The following ASIC2 variants were observed in gnomAD, a reference collection of about 807,000 sequenced individuals.
ASIC2 encodes acid sensing ion channel subunit 2, also known as acid-sensing ion channel 2.
ASIC2 carries 25 observed loss-of-function variants against 57.3 expected under a neutral mutation model. The observed-to-expected ratio is 0.44, with a 90% CI of 0.32 to 0.61. ASIC2 has a LOEUF of 0.61. ASIC2 is among the 20% of genes least tolerant of loss of function. ASIC2 has a pLI of 0.06. For synonymous variants in ASIC2, 319 were observed against 307.5 expected (o/e 1.04, Z -0.39); for missense variants, 641 against 738.1 (o/e 0.87, Z 1.52).
At chr17:34,099,443 G>A (rs1268452208) in intron 1 of ASIC2, among the ~76,000 whole-genome samples, 1 of 89,054 alleles carries the variant, frequency 1.1e-5, no homozygotes, top group Non-Finnish European at 2.5e-5. Context: ...AGAAAAGAAA[G>A]AGAAAGAAAG....
At chr17:33,641,003 C>A (rs1336974358) in intron 1 of ASIC2, among the ~76,000 whole-genome samples, 1 of 152,094 alleles carries the variant, frequency 6.6e-6, no homozygotes, top group African/African-American at 2.4e-5. Context: ...GCAACATAGA[C>A]CCTATGGGAG....
chr17:33,670,245 G>A (rs1320693309), intron 1 of ASIC2, among the ~76,000 whole-genome samples: 1 of 152,130 alleles, frequency 6.6e-6, no homozygotes, highest in Non-Finnish European at 1.5e-5. Context: ...AATTCTGGAT[G>A]ACTGCACCTC....
chr17:33,205,209 G>A (rs1213446359), intron 1 of ASIC2, among the ~76,000 whole-genome samples: 1 of 152,188 alleles, frequency 6.6e-6, no homozygotes, highest in Non-Finnish European at 1.5e-5. Flanking sequence ...CCAGATGCTT[G>A]GCTGGGCTCT....
At chr17:33,229,940 G>A (rs413501) in intron 1 of ASIC2, among the ~76,000 whole-genome samples, 106,760 of 152,034 alleles carry the variant, frequency 0.7, 37,807 homozygotes, top group Middle Eastern at 0.8. Context: ...TGTGAACTAC[G>A]TAACCTTGAA....
At position 34,156,036 on chromosome 17, in the gene ASIC2, T is replaced by A; in HGVS notation, c.497A>T (p.Asp166Val). The A allele has an allele frequency of 6.2e-7, 1 of 1,613,940 alleles. No homozygotes were observed. Among genetic ancestry groups the A allele is most frequent in the Non-Finnish European group, 8.5e-7 (1 of 1,180,000 alleles). The stretch of plus-strand genomic sequence containing the variant: ...TTTGAACTTGCAGTAGAGCATCATA[T>A]CCTTCAGGTCATGGCCCACACGGTG... The change falls in exon 1 of 10, where the codon GAT (aspartate) becomes GTT (valine). Residue 166 changes from aspartate to valine, a missense_variant. Asp to Val is a radical substitution (Grantham distance 152). Coordinates refer to the ASIC2 transcript ENST00000359872. The surrounding 1 kb of genome is among the most constrained non-coding windows in gnomAD (Gnocchi z 4.4).
intron 1 of ASIC2, among the ~76,000 whole-genome samples, chr17:34,147,443 T>C (rs1433266706): frequency 6.6e-6 from 1 of 152,224 alleles, no homozygotes; most frequent in Non-Finnish European, 1.5e-5. Context: ...GATGGAAAGA[T>C]GCTTCAGCAT....
intron 1 of ASIC2, among the ~76,000 whole-genome samples, chr17:34,102,348 A>AAAAAT (rs1382673844): frequency 6.6e-6 from 1 of 152,000 alleles, no homozygotes; most frequent in Non-Finnish European, 1.5e-5. Flanking sequence ...ATAAATAAAT[A>AAAAAT]AAAATAAAAT....
chr17:33,924,859 G>A (rs934781439), intron 1 of ASIC2, among the ~76,000 whole-genome samples: 1 of 152,200 alleles, frequency 6.6e-6, no homozygotes, highest in African/African-American at 2.4e-5. Context: ...AGGTGTGGTG[G>A]GCAGTGAAGG....
At chr17:33,196,259 C>G (rs1906622597) in intron 1 of ASIC2, among the ~76,000 whole-genome samples, 1 of 152,070 alleles carries the variant, frequency 6.6e-6, no homozygotes. Context: ...CATACAAATC[C>G]TGATTTTAAA....
chr17:33,671,035 T>G (rs1907623152), intron 1 of ASIC2, among the ~76,000 whole-genome samples: 1 of 152,210 alleles, frequency 6.6e-6, no homozygotes, highest in African/African-American at 2.4e-5. Flanking sequence ...AAATTCAGAT[T>G]CCATGGGAGT....
chr17:33,742,953 C>T (rs563307658), intron 1 of ASIC2, among the ~76,000 whole-genome samples: 48 of 152,284 alleles, frequency 3.2e-4, no homozygotes, highest in Non-Finnish European at 5.3e-4. Flanking sequence ...TGAGATTCTA[C>T]GTATTTTTCC....
At chr17:33,579,557 G>A (rs1307931026) in intron 1 of ASIC2, among the ~76,000 whole-genome samples, 8 of 152,258 alleles carry the variant, frequency 5.3e-5, no homozygotes, top group African/African-American at 1.7e-4. Flanking sequence ...GAATGAAAGG[G>A]CAGACCCTAC....
intron 1 of ASIC2, among the ~76,000 whole-genome samples, chr17:33,795,824 C>T (rs1911899084): frequency 6.6e-6 from 1 of 152,224 alleles, no homozygotes; most frequent in African/African-American, 2.4e-5. Context: ...ATCAGTAGCA[C>T]TTCAATGGGA....
At chr17:34,099,157 A>G (rs1910685708) in intron 1 of ASIC2, among the ~76,000 whole-genome samples, 1 of 7,936 alleles carries the variant, frequency 1.3e-4, no homozygotes, top group African/African-American at 2.9e-4. Flanking sequence ...AGAGAGAGAG[A>G]GAGAGAGAAA....
chr17:33,225,507 C>A (rs1907846048), intron 1 of ASIC2, among the ~76,000 whole-genome samples: 1 of 152,230 alleles, frequency 6.6e-6, no homozygotes, highest in Non-Finnish European at 1.5e-5. Context: ...CCCACAAATA[C>A]AAAATCATTA....
At chr17:33,222,730 A>T (rs1907729309) in intron 1 of ASIC2, among the ~76,000 whole-genome samples, 1 of 152,280 alleles carries the variant, frequency 6.6e-6, no homozygotes, top group African/African-American at 2.4e-5. Context: ...GGGATTTGTA[A>T]TCTAGTCAAT....
In ASIC2 at chr17:33,148,070, T is replaced by G. The variant is rs555669904; in HGVS notation, c.709-36003A>C. On this transcript the variant is annotated intron_variant, in intron 1 of 9. Coordinates refer to ENST00000225823, the MANE Select transcript of ASIC2 (RefSeq NM_183377.2). ...CAGGCTTTTCATTTAAGACAACAAA[T>G]CAAGCATCCCTAAAATGTAAAGTAA... Among the ~76,000 whole-genome samples, 3 of 152,278 alleles carry G rather than the reference T, an allele frequency of 2.0e-5. No homozygotes were observed. The South Asian group carries it at 6.2e-4, about 32-fold the overall frequency.
At chr17:33,510,990 T>G (rs1914414072) in intron 1 of ASIC2, among the ~76,000 whole-genome samples, 1 of 152,226 alleles carries the variant, frequency 6.6e-6, no homozygotes, top group Non-Finnish European at 1.5e-5. Flanking sequence ...ATGACTGTAT[T>G]ACAGCACACA....
At chr17:33,514,939 A>G (rs1914523002) in intron 1 of ASIC2, among the ~76,000 whole-genome samples, 1 of 152,128 alleles carries the variant, frequency 6.6e-6, no homozygotes, top group African/African-American at 2.4e-5. Context: ...TTTCTCCCAG[A>G]TGTTCTTTCT....
Sources: allele counts gnomAD v4.1 joint callset (sites outside exome capture counted in the v4.1 genomes callset), GRCh38; gene constraint gnomAD v4.1.1; non-coding constraint Gnocchi (gnomAD v3.1); transcripts MANE v1.5; gene names NCBI Gene and HGNC (gene_info 2026-07-23, HGNC 2026-07-21).